VSTM2A: variants seen among roughly 807,000 people sequenced by gnomAD.
VSTM2A encodes V-set and transmembrane domain-containing protein 2A.
VSTM2A carries 13 observed loss-of-function variants against 27.3 expected under a neutral mutation model. The ratio of observed to expected loss-of-function variants is 0.48; its 90% CI spans 0.31 to 0.76. The LOEUF (loss-of-function observed/expected upper bound fraction) is 0.76. Among genes scored for constraint, VSTM2A ranks in the 30% least tolerant of loss-of-function variants. The pLI is 0.05. For synonymous variants in VSTM2A, 142 were observed against 125.7 expected, an observed-to-expected ratio of 1.13 and a Z score of -0.87; for missense variants, 280 against 310.0, an observed-to-expected ratio of 0.90 and a Z score of 0.73.
chr7:54,553,945 T>A, intron 4 of VSTM2A: 1 of 1,551,828 alleles, frequency 6.4e-7, no homozygotes, highest in Non-Finnish European at 8.7e-7. Flanking sequence ...CTGTCTTCAC[T>A]TTTTTCTACT....
intron 4 of VSTM2A, among the ~76,000 whole-genome samples, chr7:54,556,705 A>T (rs1788372547): frequency 6.6e-6 from 1 of 152,252 alleles, no homozygotes; most frequent in Non-Finnish European, 1.5e-5. Flanking sequence ...AGGCCAAGGA[A>T]TCTGCTAGGG....
At chr7:54,555,985 C>T (rs1788343679) in intron 4 of VSTM2A, among the ~76,000 whole-genome samples, 1 of 152,064 alleles carries the variant, frequency 6.6e-6, no homozygotes, top group African/African-American at 2.4e-5. Flanking sequence ...AATAAGTATT[C>T]TATGTTCCAA....
intron 4 of VSTM2A, chr7:54,551,899 A>G (rs1321174305): frequency 6.6e-6 from 1 of 152,234 alleles, no homozygotes; most frequent in African/African-American, 2.4e-5. Flanking sequence ...CAAACAGATT[A>G]CCTATTCCAA....
rs1788024672 is a variant in VSTM2A, at chr7:54,547,049, C to T, written c.297+52C>T. On this transcript the variant is annotated intron_variant, in intron 3 of 4. Coordinates refer to ENST00000402613, the MANE Select transcript of VSTM2A (RefSeq NM_001301009.2). ...CGGGCCCAGGCTCGGGACGCACAGC[C>T]CTTCCCTGTCCCCGAGAAGGCGGCT... 6 of 1,510,280 alleles carry T rather than the reference C, an allele frequency of 4.0e-6. 1 individual carries two copies. The highest frequency in any genetic ancestry group is 3.5e-4 in the Middle Eastern group (2 of 5,720). The allele number at this position is 1,510,280 out of a possible 1,614,324, so 93.6% of individuals were successfully genotyped here.
intron 4 of VSTM2A, among the ~76,000 whole-genome samples, chr7:54,562,021 T>C (rs1195927859): frequency 6.6e-6 from 1 of 151,816 alleles, no homozygotes; most frequent in Non-Finnish European, 1.5e-5. Context: ...ACCTCCCGGG[T>C]TCAAACAGTT....
rs1298048802 is a variant in VSTM2A at position 54,569,215 on chromosome 7, T to C, written c.719T>C (p.Leu240Pro). The change falls in exon 5 of 5, where the codon CTC (leucine) becomes CCC (proline). Residue 240 changes from leucine (L) to proline (P), a missense_variant. Coordinates refer to ENST00000402613, the MANE Select transcript of VSTM2A (RefSeq NM_001301009.2). ...AAGCACCACCCTGCACCCACTGTAC[T>C]CTAATTCACTACACAAGGAGCGCCT... The part of the protein sequence containing the change: ...NSKHHPAPTV[L>P] 2 of 1,551,534 alleles carry C rather than the reference T, an allele frequency of 1.3e-6. No individual in the cohort carries two copies. Among genetic ancestry groups the C allele is most frequent in the Admixed American group, 2.0e-5 (1 of 50,988 alleles).
chr7:54,544,642 C>T lies in VSTM2A; in HGVS notation c.100C>T (p.Arg34Trp). 6.2e-7 allele frequency: 1 copy of T among 1,612,970 alleles called. No individual in the cohort carries two copies. The highest frequency in any genetic ancestry group is 1.1e-5 in the South Asian group (1 of 91,082). The change falls in exon 2 of 5, where the codon CGG becomes TGG. Residue 34 changes from arginine (R) to tryptophan (W), a missense_variant. Coordinates refer to ENST00000402613, the MANE Select transcript of VSTM2A (RefSeq NM_001301009.2). ...SSQAKFTEFP[R>W]NVTATEGQNV... ...TGCAGCAAAATTTACCGAGTTTCCG[C>T]GGAACGTGACGGCGACCGAGGGGCA... is the stretch of plus-strand genomic sequence containing the variant.
At chr7:54,564,960 A>G (rs1026463989) in intron 4 of VSTM2A, among the ~76,000 whole-genome samples, 1 of 152,234 alleles carries the variant, frequency 6.6e-6, no homozygotes, top group Admixed American at 6.5e-5. Context: ...TAATGTTTTC[A>G]TATCCAATAT....
intron 3 of VSTM2A, 127 bp downstream of exon 3, chr7:54,547,124 A>G: frequency 1.0e-6 from 1 of 993,784 alleles, no homozygotes; most frequent in South Asian, 1.8e-5. Context: ...TGCTTGCCTC[A>G]TTAGATACAT....
rs748701725 is a variant in VSTM2A at position 54,544,799 on chromosome 7, C to T, written c.246+11C>T. On this transcript the variant is annotated intron_variant, in intron 2 of 4. Coordinates refer to ENST00000402613, the MANE Select transcript of VSTM2A (RefSeq NM_001301009.2). ...GGGGCCGGCGCGCAGGTAGCGGAGC[C>T]CGCCGACCCCGCGTCTCCCCTTCGC... 17 of 1,586,474 alleles carry T rather than the reference C, an allele frequency of 1.1e-5. No individual in the cohort carries two copies. Among genetic ancestry groups the T allele is most frequent in the Middle Eastern group, 1.9e-4 (1 of 5,272 alleles).
intron 4 of VSTM2A, chr7:54,551,713 C>G (rs527909652): frequency 4.6e-5 from 7 of 151,946 alleles, no homozygotes; most frequent in African/African-American, 7.2e-5. Context: ...ATTTTCCCCT[C>G]TTTCTTCACA....
At chr7:54,554,773 A>G (rs896926675) in intron 4 of VSTM2A, among the ~76,000 whole-genome samples, 1 of 151,990 alleles carries the variant, frequency 6.6e-6, no homozygotes, top group African/African-American at 2.4e-5. Context: ...GCAGCCAGTC[A>G]CCCCAGCCTT....
rs997142433 is a variant in VSTM2A at position 54,555,472 on chromosome 7, C to T, written c.634+5302C>T. On this transcript the variant is annotated intron_variant, in intron 4 of 4. Transcript: ENST00000402613. ...CAAATGCTGTTTCCTTTGTATGAGT[C>T]TTTTCCTATTTGCTGAGTTCCTACA... 2.0e-5 allele frequency among the ~76,000 whole-genome samples: 3 copies of T among 152,274 alleles called. No individual in the cohort carries two copies. The South Asian group carries it at 6.2e-4, about 32-fold the overall frequency.
intron 4 of VSTM2A, among the ~76,000 whole-genome samples, chr7:54,568,046 A>G (rs1193833960): frequency 6.6e-6 from 1 of 152,218 alleles, no homozygotes; most frequent in East Asian, 1.9e-4. Flanking sequence ...GAGATACTGT[A>G]TACTGGTAAA....
intron 4 of VSTM2A, among the ~76,000 whole-genome samples, chr7:54,567,582 C>A (rs892059792): frequency 1.3e-5 from 2 of 152,178 alleles, no homozygotes; most frequent in Non-Finnish European, 2.9e-5. Context: ...TCGAGCCAAT[C>A]TGCAATGCCC....
At position 54,569,345 on chromosome 7, in the gene VSTM2A, G is replaced by A; in HGVS notation, c.*126G>A. On this transcript the variant is annotated 3_prime_UTR_variant, in exon 5 of 5. Transcript: ENST00000402613. Reference sequence around the variant, plus strand: ...TTAAGAGAATTAACGTGAAGTGATAGAACGTTTTCTAATAGCAAGATCTAT... The same window carrying A: ...TTAAGAGAATTAACGTGAAGTGATAAAACGTTTTCTAATAGCAAGATCTAT... The A allele has an allele frequency of 6.9e-7, 1 of 1,450,094 alleles. No individual in the cohort carries two copies. Among genetic ancestry groups the A allele is most frequent in the South Asian group, 1.4e-5 (1 of 72,918 alleles). 89.8% of individuals were successfully genotyped at this position (1,450,094 alleles called of 1,614,324 possible). A position where few individuals can be genotyped will look rare whatever the true frequency, so the allele number is the denominator to read the frequency against.
At chr7:54,558,447 T>C (rs1396783761) in intron 4 of VSTM2A, 1 of 152,174 alleles carries the variant, frequency 6.6e-6, no homozygotes, top group Non-Finnish European at 1.5e-5. Flanking sequence ...AAAACTGATA[T>C]GGTAATACTT....
At chr7:54,553,717 C>T in intron 4 of VSTM2A, 1 of 1,095,086 alleles carries the variant, frequency 9.1e-7, no homozygotes, top group Non-Finnish European at 1.3e-6. Flanking sequence ...CCAAGCACAA[C>T]TGACTGTGGA....
chr7:54,554,743 G>A (rs112186507), intron 4 of VSTM2A, among the ~76,000 whole-genome samples: 6 of 152,184 alleles, frequency 3.9e-5, no homozygotes, highest in Non-Finnish European at 5.9e-5. Flanking sequence ...CTTGGTGTGC[G>A]AGCCTGGAAG....
Sources: allele counts gnomAD v4.1 joint callset (sites outside exome capture counted in the v4.1 genomes callset), GRCh38; gene constraint gnomAD v4.1.1; transcripts MANE v1.5; gene names NCBI Gene and HGNC (gene_info 2026-07-23, HGNC 2026-07-21).